MYO5A: variants seen among roughly 807,000 people sequenced by gnomAD.
The protein encoded by MYO5A is unconventional myosin-Va.
A neutral mutation model predicts 249.7 loss-of-function variants in MYO5A; 98 were observed. That is an observed-to-expected ratio of 0.39 (90% CI 0.33 to 0.46). The LOEUF (loss-of-function observed/expected upper bound fraction) is 0.46, where lower values mean the gene tolerates loss of function less well. Among genes scored for constraint, MYO5A ranks in the 20% least tolerant of loss-of-function variants. MYO5A has a pLI of 0.98. For synonymous variants in MYO5A, 778 were observed against 810.6 expected (o/e 0.96, Z 0.68); for missense variants, 1,696 against 2,308.8 (o/e 0.73, Z 5.44).
intron 10 of MYO5A, among the ~76,000 whole-genome samples, chr15:52,396,606 T>A (rs1369155363): frequency 1.3e-5 from 2 of 151,666 alleles, no homozygotes; most frequent in African/African-American, 4.9e-5. Context: ...GCAGAGAGGT[T>A]TTTTTTGTTT....
At position 52,311,135 on chromosome 15, in the gene MYO5A, C is replaced by G. The variant is rs1426154113; in HGVS notation, c.*2561G>C. ...GAGAAGGGCTCAGACCACAGCCTTT[C>G]TTTCATGACGCTTCAGTACATGAGC... On this transcript the variant is annotated 3_prime_UTR_variant, in exon 42 of 42. Transcript: ENST00000399233. The G allele has an allele frequency of 1.3e-5, 2 of 152,256 alleles. No individual in the cohort carries two copies. Among genetic ancestry groups the G allele is most frequent in the African/African-American group, 2.4e-5 (1 of 41,442 alleles). 9.4% of individuals were successfully genotyped at this position (152,256 alleles called of 1,614,324 possible). A position where few individuals can be genotyped will look rare whatever the true frequency, so the allele number is the denominator to read the frequency against.
chr15:52,527,108 A>T (rs138754714), intron 1 of MYO5A, among the ~76,000 whole-genome samples: 2 of 152,372 alleles, frequency 1.3e-5, no homozygotes, highest in East Asian at 3.9e-4. Context: ...TCCTGGGCCC[A>T]CATGCGGCCC....
chr15:52,506,178 C>T (rs1020748043), intron 1 of MYO5A, among the ~76,000 whole-genome samples: 37 of 151,980 alleles, frequency 2.4e-4, no homozygotes, highest in African/African-American at 8.5e-4. Context: ...AGTGAAACCC[C>T]GTCTCTACTA....
At chr15:52,401,579 CTGTTT>C (rs1232253610) in intron 9 of MYO5A, among the ~76,000 whole-genome samples, 2 of 152,116 alleles carry the variant, frequency 1.3e-5, no homozygotes, top group East Asian at 1.9e-4. Context: ...CTTAATCTCT[CTGTTT>C]TAAGTTTCCT....
At chr15:52,324,194 A>C (rs2038482521) in intron 36 of MYO5A, among the ~76,000 whole-genome samples, 1 of 152,120 alleles carries the variant, frequency 6.6e-6, no homozygotes, top group Admixed American at 6.5e-5. Context: ...AAATCTTGTT[A>C]AGGGTAAGAT....
In MYO5A at chr15:52,486,762, G is replaced by T. The variant is rs2141517892; in HGVS notation, c.27+42018C>A. 1.3e-5 allele frequency among the ~76,000 whole-genome samples: 2 copies of T among 152,270 alleles called. 1 individual carries two copies. Among genetic ancestry groups the T allele is most frequent in the South Asian group, 4.1e-4 (2 of 4,822 alleles). ...TTTGTTGCTTCACTAAAGGCAAAGA[G>T]GAGTGCGGCCAATTCTAAAGGCCAA... On this transcript the variant is annotated intron_variant, in intron 1 of 41. Transcript: ENST00000399233.
intron 1 of MYO5A, among the ~76,000 whole-genome samples, chr15:52,515,195 T>G (rs758596059): frequency 6.6e-6 from 1 of 151,832 alleles, no homozygotes; most frequent in Non-Finnish European, 1.5e-5. Context: ...GAAGGATTAG[T>G]TAGCTCACAA....
chr15:52,393,400 C>CTT lies in MYO5A; in HGVS notation c.1402-1332_1402-1331dup, dbSNP rs553719196. Among the ~76,000 whole-genome samples the CTT allele has an allele frequency of 1.9e-3, 268 of 141,472 alleles. 1 individual carries two copies. Among genetic ancestry groups the CTT allele is most frequent in the African/African-American group, 5.9e-3 (229 of 38,724 alleles). The allele number at this position is 141,472 out of a possible 152,430, so 92.8% of individuals were successfully genotyped here. A position where few individuals can be genotyped will look rare whatever the true frequency, so the allele number is the denominator to read the frequency against. ...ATTTGCAGTGTTTTTTTTTTCTTTT[C>CTT]TTTTTTTTTTTGAGACAGAGTCTTG... On this transcript the variant is annotated intron_variant, in intron 11 of 41. Coordinates refer to ENST00000399233, the MANE Select transcript of MYO5A (RefSeq NM_001382347.1).
chr15:52,439,955 T>C (rs185876385), intron 1 of MYO5A, among the ~76,000 whole-genome samples: 1 of 152,360 alleles, frequency 6.6e-6, no homozygotes. Flanking sequence ...GGACTAAATT[T>C]TATAATAGCT....
chr15:52,313,668 A>G lies in MYO5A; in HGVS notation c.*28T>C, dbSNP rs945497195. 2 of 1,613,354 alleles carry G rather than the reference A, an allele frequency of 1.2e-6. No individual in the cohort carries two copies. Among genetic ancestry groups the G allele is most frequent in the Non-Finnish European group, 1.7e-6 (2 of 1,179,354 alleles). On this transcript the variant is annotated 3_prime_UTR_variant, in exon 42 of 42. Coordinates refer to ENST00000399233, the MANE Select transcript of MYO5A (RefSeq NM_001382347.1). ...GGTTCTTATTTCGGGCAAGAAATGTATTGTCAATTTTTGCCTGGACATCAC... is the reference window on the plus strand; with the variant it reads ...GGTTCTTATTTCGGGCAAGAAATGTGTTGTCAATTTTTGCCTGGACATCAC...
At chr15:52,407,245 G>A in intron 8 of MYO5A, 47 bp downstream of exon 8, 1 of 1,388,684 alleles carries the variant, frequency 7.2e-7, no homozygotes, top group Non-Finnish European at 1.0e-6. Context: ...GGTTGCTTGA[G>A]TAAAAAAGCT....
chr15:52,461,041 T>A (rs2076238207), intron 1 of MYO5A, among the ~76,000 whole-genome samples: 1 of 152,180 alleles, frequency 6.6e-6, no homozygotes, highest in Non-Finnish European at 1.5e-5. Context: ...AGCCTCAACC[T>A]TCCCAGGCTC....
intron 9 of MYO5A, among the ~76,000 whole-genome samples, chr15:52,399,579 C>T (rs998769472): frequency 6.6e-6 from 1 of 151,548 alleles, no homozygotes; most frequent in African/African-American, 2.4e-5. Context: ...CTTTTCTAAA[C>T]TTTTTTTTTC....
At chr15:52,477,469 TGGA>T (rs1450444527) in intron 1 of MYO5A, among the ~76,000 whole-genome samples, 1 of 152,230 alleles carries the variant, frequency 6.6e-6, no homozygotes, top group Non-Finnish European at 1.5e-5. Flanking sequence ...TGTGTTCCTT[TGGA>T]GGAGAAGAGG....
chr15:52,342,712 C>T (rs111745954), intron 31 of MYO5A, among the ~76,000 whole-genome samples: 14,803 of 151,836 alleles, frequency 0.097, 2,239 homozygotes, highest in African/African-American at 0.33. Context: ...GTCAGGAGTT[C>T]GAGACCAGCC....
chr15:52,365,935 G>A (rs2040784974), intron 23 of MYO5A, among the ~76,000 whole-genome samples: 1 of 152,090 alleles, frequency 6.6e-6, no homozygotes. Context: ...CTTCTTTCCA[G>A]GGCTCTGTTT....
intron 1 of MYO5A, among the ~76,000 whole-genome samples, chr15:52,512,707 T>A (rs1350945797): frequency 6.6e-6 from 1 of 152,152 alleles, no homozygotes; most frequent in Non-Finnish European, 1.5e-5. Flanking sequence ...TCCCAAGTAA[T>A]TTTGTGAGTG....
At chr15:52,393,416 C>G (rs1414582065) in intron 11 of MYO5A, among the ~76,000 whole-genome samples, 1 of 148,032 alleles carries the variant, frequency 6.8e-6, no homozygotes, top group Admixed American at 6.8e-5. Flanking sequence ...TTTTTTGAGA[C>G]AGAGTCTTGC....
rs866038769 is a variant in MYO5A, at chr15:52,327,999, C to T, written c.4563G>A (p.Lys1521=). 6.2e-7 allele frequency: 1 copy of T among 1,612,550 alleles called. No individual in the cohort carries two copies. The highest frequency in any genetic ancestry group is 8.5e-7 in the Non-Finnish European group (1 of 1,179,080). Residue 1521 remains lysine (K), a synonymous_variant, in exon 36 of 42, where the codon AAG becomes AAA. Transcript: ENST00000399233. ...KLVKNLILEL[K]PRGVAVNLIP... is the part of the protein sequence containing the mutation. ...TCAAATTGACTGCTACACCACGTGGCTTCAGTTCTAAAAAAGAAAAAATAA... is the reference window on the plus strand; with the variant it reads ...TCAAATTGACTGCTACACCACGTGGTTTCAGTTCTAAAAAAGAAAAAATAA...
Sources: allele counts gnomAD v4.1 joint callset (sites outside exome capture counted in the v4.1 genomes callset), GRCh38; gene constraint gnomAD v4.1.1; transcripts MANE v1.5; gene names NCBI Gene and HGNC (gene_info 2026-07-23, HGNC 2026-07-21).